Variants in HSPG2 observed in about 807,000 individuals in gnomAD.
HSPG2 encodes heparan sulfate proteoglycan 2, also known as basement membrane-specific heparan sulfate proteoglycan core protein.
In HSPG2, 278 loss-of-function variants were observed where a neutral mutation model predicts 526.6. That is an observed-to-expected ratio of 0.53 (90% CI 0.48 to 0.58). HSPG2 has a LOEUF of 0.58. HSPG2 is among the 20% of genes least tolerant of loss of function. The pLI is 0.00. For missense variants in HSPG2, 5,354 were observed against 6,099.5 expected (o/e 0.88, Z 4.07); for synonymous variants, 2,465 against 2,555.4 (o/e 0.96, Z 1.07).
intron 3 of HSPG2, among the ~76,000 whole-genome samples, chr1:21,891,288 C>T (rs958663571): frequency 2.0e-5 from 3 of 152,220 alleles, no homozygotes; most frequent in Non-Finnish European, 4.4e-5. Flanking sequence ...AGGCACTGAC[C>T]TCGGCTCTGA....
chr1:21,843,109 G>T (rs2098056273), intron 66 of HSPG2, among the ~76,000 whole-genome samples, 188 bp from the exon 67 acceptor site: 1 of 152,176 alleles, frequency 6.6e-6, no homozygotes, highest in African/African-American at 2.4e-5. Context: ...CAGGGCTGGG[G>T]TCCCCCTGGT....
In HSPG2 at chr1:21,888,060, T is replaced by C. The variant is rs909442721; in HGVS notation, c.581A>G (p.Gln194Arg). 1.9e-6 allele frequency: 3 copies of C among 1,614,028 alleles called. No individual in the cohort carries two copies. Among genetic ancestry groups the C allele is most frequent in the African/African-American group, 2.7e-5 (2 of 75,016 alleles). Reference protein sequence around the residue: ...FQFRRLGTVPQFPRACTEAEF... With the variant: ...FQFRRLGTVPRFPRACTEAEF... ...GGCCTCCGTGCAGGCTCTTGGGAAC[T>C]GGGGCACTGCAGGTGGAAAGGAAGC... is the stretch of plus-strand genomic sequence containing the variant. Residue 194 changes from glutamine (Q) to arginine (R), a missense_variant, in exon 7 of 97, where the codon CAG becomes CGG. Coordinates refer to ENST00000374695, the MANE Select transcript of HSPG2 (RefSeq NM_005529.7).
Position 21,875,901 on chromosome 1 carries a change from G to T in HSPG2, c.3145C>A (p.Pro1049Thr), listed in dbSNP as rs1557764643. Residue 1049 changes from proline (P) to threonine (T), a missense_variant, in exon 24 of 97, where the codon CCC becomes ACC. By Grantham distance (38) the Pro-to-Thr change is conservative (BLOSUM62 -1). Transcript: ENST00000374695. ...LEHHVAQEPS[P>T]GQPSTFIVPF... ...ACAATGAAGGTGCTGGGCTGGCCGG[G>T]GCTGGGCTCCTGGGCCACATGGTGC... The T allele has an allele frequency of 6.2e-7, 1 of 1,614,044 alleles. No homozygotes were observed. Among genetic ancestry groups the T allele is most frequent in the Non-Finnish European group, 8.5e-7 (1 of 1,180,042 alleles).
intron 26 of HSPG2, 26 bp downstream of exon 26, chr1:21,874,865 G>A: frequency 1.3e-6 from 2 of 1,581,142 alleles, no homozygotes; most frequent in South Asian, 1.1e-5. Context: ...GGGGCTGGCT[G>A]GGCTGGCGTG....
In HSPG2 at chr1:21,855,659, C is replaced by G; in HGVS notation, c.5718G>C (p.Gln1906His). 1 of 1,574,576 alleles carries G rather than the reference C, an allele frequency of 6.4e-7. No individual in the cohort carries two copies. Among genetic ancestry groups the G allele is most frequent in the Non-Finnish European group, 8.6e-7 (1 of 1,163,036 alleles). The change falls in exon 46 of 97, where the codon CAG becomes CAC. Residue 1906 changes from glutamine to histidine, a missense_variant. Physicochemically the swap from Gln to His is conservative, Grantham distance 24. Transcript: ENST00000374695. ...TLEWTGGPGG[Q>H]LPAKAQIHGG... The stretch of plus-strand genomic sequence containing the variant: ...CGTGGATTTGTGCCTTCGCAGGGAG[C>G]TGGCCGCCGGGGCCCCCTGACGAGT...
Position 21,824,073 on chromosome 1 carries a change from A to G in HSPG2, c.12899+48T>C. 1 of 1,531,888 alleles carries G rather than the reference A, an allele frequency of 6.5e-7. No homozygotes were observed. Among genetic ancestry groups the G allele is most frequent in the Middle Eastern group, 2.2e-4 (1 of 4,568 alleles). The allele number at this position is 1,531,888 out of a possible 1,614,324, so 94.9% of individuals were successfully genotyped here. On this transcript the variant is annotated intron_variant, in intron 95 of 96. Coordinates refer to ENST00000374695, the MANE Select transcript of HSPG2 (RefSeq NM_005529.7). This position sits in a 1 kb window ranked among gnomAD's most constrained non-coding sequence, Gnocchi z 5.9. ...CCCATGGTAGGGGGCGTCCTGCCCCACTCCAGAACGCTGGGCCCCATCCCG... is the reference window on the plus strand; with the variant it reads ...CCCATGGTAGGGGGCGTCCTGCCCCGCTCCAGAACGCTGGGCCCCATCCCG...
rs969637503 is a variant in HSPG2, at chr1:21,835,218, C to T, written c.10454-273G>A. 49 of 601,456 alleles carry T rather than the reference C, an allele frequency of 8.1e-5. 2 individuals are homozygous for T. Among genetic ancestry groups the T allele is most frequent in the South Asian group, 9.6e-5 (5 of 51,898 alleles). 37.3% of individuals were successfully genotyped at this position (601,456 alleles called of 1,614,324 possible). On this transcript the variant is annotated intron_variant, in intron 76 of 96. Transcript: ENST00000374695. ...GGCTCACCACAGCCTAGAATTCATG[C>T]GCTCAAGCAATGCTCCCAGCTTAGC...
At chr1:21,888,957 G>C (rs935471319) in intron 6 of HSPG2, among the ~76,000 whole-genome samples, 3 of 152,160 alleles carry the variant, frequency 2.0e-5, no homozygotes, top group African/African-American at 7.2e-5. Flanking sequence ...GCAGGGTTTT[G>C]CTCTGTCGCC....
Position 21,824,021 on chromosome 1 carries a change from C to T in HSPG2, c.12899+100G>A. 8.4e-7 allele frequency: 1 copy of T among 1,186,704 alleles called. No homozygotes were observed. Among genetic ancestry groups the T allele is most frequent in the Non-Finnish European group, 1.2e-6 (1 of 816,364 alleles). The allele number at this position is 1,186,704 out of a possible 1,614,324, so 73.5% of individuals were successfully genotyped here. A position where few individuals can be genotyped will look rare whatever the true frequency, so the allele number is the denominator to read the frequency against. On this transcript the variant is annotated intron_variant, in intron 95 of 96. Transcript: ENST00000374695. The surrounding 1 kb of genome is among the most constrained non-coding windows in gnomAD (Gnocchi z 5.9). ...CCTCCCCTGGCTTCAAGTTCTGTCT[C>T]CACAGAGCTCAATACCTGCCTCTCT...
Position 21,828,464 on chromosome 1 carries a change from G to A in HSPG2, c.12238-38C>T. 6.2e-7 allele frequency: 1 copy of A among 1,603,330 alleles called. No individual in the cohort carries two copies. Among genetic ancestry groups the A allele is most frequent in the African/African-American group, 1.3e-5 (1 of 74,940 alleles). On this transcript the variant is annotated intron_variant, in intron 88 of 96. Coordinates refer to ENST00000374695, the MANE Select transcript of HSPG2 (RefSeq NM_005529.7). The surrounding 1 kb of genome is among the most constrained non-coding windows in gnomAD (Gnocchi z 6.0). The stretch of plus-strand genomic sequence containing the variant: ...GGACACCGAGGGACTAAAGGGGCCT[G>A]GGAGGCAGAGACCCAGGTGTACCAG...
rs748601191 is a variant in HSPG2 at position 21,828,254 on chromosome 1, C to A, written c.12409+1G>T. On this transcript the variant is annotated splice_donor_variant, in intron 89 of 96. Coordinates refer to ENST00000374695, the MANE Select transcript of HSPG2 (RefSeq NM_005529.7). LOFTEE classifies it high-confidence loss of function. The surrounding 1 kb of genome is among the most constrained non-coding windows in gnomAD (Gnocchi z 6.0). ...CCGGTGCCCTGGGCAGGCTTTCCCA[C>A]CTTTGAATCCATCTCGACACAGGCA... 4.3e-6 allele frequency: 7 copies of A among 1,613,606 alleles called. No individual in the cohort carries two copies. The South Asian group carries it at 7.7e-5, about 18-fold the overall frequency.
intron 13 of HSPG2, among the ~76,000 whole-genome samples, chr1:21,883,387 G>A (rs2454291): frequency 0.94 from 143,183 of 152,294 alleles, 67,956 homozygotes; most frequent in East Asian, 1. Context: ...GTGTGATCAT[G>A]GCTCACTGCA....
chr1:21,878,444 C>T lies in HSPG2; in HGVS notation c.2606G>A (p.Cys869Tyr), dbSNP rs1269248785. 6.2e-6 allele frequency: 10 copies of T among 1,606,648 alleles called. No individual in the cohort carries two copies. The highest frequency in any genetic ancestry group is 8.5e-6 in the Non-Finnish European group (10 of 1,175,682). Reference sequence around the variant, plus strand: ...GCAGCCATACTCACTGACGGGCCTGCACTTCCCGCCGGGCTGGATGGGGTT... The same window carrying T: ...GCAGCCATACTCACTGACGGGCCTGTACTTCCCGCCGGGCTGGATGGGGTT... ...EGNPIQPGGK[C>Y]RPVNQEIVRC... The change falls in exon 20 of 97, where the codon TGC (cysteine) becomes TAC (tyrosine). Residue 869 changes from cysteine (C) to tyrosine (Y), a missense_variant. Cys to Tyr is a radical substitution (Grantham distance 194, BLOSUM62 -2). Transcript: ENST00000374695.
At position 21,898,860 on chromosome 1, in the gene HSPG2, T is replaced by C. The variant is rs749298487; in HGVS notation, c.64-2550A>G. Among the ~76,000 whole-genome samples the C allele has an allele frequency of 6.6e-6, 1 of 152,194 alleles. No individual in the cohort carries two copies. Among genetic ancestry groups the C allele is most frequent in the South Asian group, 2.1e-4 (1 of 4,822 alleles). ...TCCCAGCATCTCCTAGACACTGCCG[T>C]CTGGAAAGGAAAACCTAGCGGTGAA... On this transcript the variant is annotated intron_variant, in intron 1 of 96. Transcript: ENST00000374695. The surrounding 1 kb of genome is among the most constrained non-coding windows in gnomAD (Gnocchi z 4.0).
intron 75 of HSPG2, among the ~76,000 whole-genome samples, chr1:21,836,275 C>T (rs2098025947): frequency 1.3e-5 from 2 of 152,204 alleles, no homozygotes; most frequent in Admixed American, 6.5e-5. Flanking sequence ...TTACTGAAGG[C>T]CTTCCAAGCA....
chr1:21,867,151 T>G (rs1640306635), intron 33 of HSPG2, among the ~76,000 whole-genome samples: 1 of 135,768 alleles, frequency 7.4e-6, no homozygotes, highest in African/African-American at 2.8e-5. Context: ...AGATGGGGTC[T>G]CCCTATGTTG....
At chr1:21,894,751 T>A (rs745360853) in intron 3 of HSPG2, among the ~76,000 whole-genome samples, 80 of 152,304 alleles carry the variant, frequency 5.3e-4, no homozygotes, top group Non-Finnish European at 1.1e-3. Flanking sequence ...CAAGCCTGGC[T>A]TGGCCAGAGG....
chr1:21,822,534 C>A lies in HSPG2; in HGVS notation c.*782G>T, dbSNP rs1048600113. ...TGGAGGAGTCCCTGGGCCTTCACTT[C>A]CAGATGGGTGGGGATGTGGCCTGGG... On this transcript the variant is annotated 3_prime_UTR_variant, in exon 97 of 97. Transcript: ENST00000374695. 1.3e-5 allele frequency: 5 copies of A among 383,234 alleles called. No homozygotes were observed. The highest frequency in any genetic ancestry group is 2.5e-5 in the Non-Finnish European group (5 of 203,986). 23.7% of individuals were successfully genotyped at this position (383,234 alleles called of 1,614,324 possible). A position where few individuals can be genotyped will look rare whatever the true frequency, so the allele number is the denominator to read the frequency against.
chr1:21,869,192 G>T (rs145619028), intron 33 of HSPG2, among the ~76,000 whole-genome samples: 1 of 152,178 alleles, frequency 6.6e-6, no homozygotes, highest in Non-Finnish European at 1.5e-5. Context: ...CTCTGGGCGT[G>T]GCCTGGGTCG....
Sources: gnomAD v4.1 joint callset for allele counts (sites outside exome capture counted in the v4.1 genomes callset) on GRCh38, gnomAD v4.1.1 for gene constraint, Gnocchi (gnomAD v3.1) non-coding constraint, MANE v1.5 for transcripts, NCBI Gene and HGNC (gene_info 2026-07-23, HGNC 2026-07-21) for gene names.